Variants in OXR1 observed in about 807,000 individuals in gnomAD.
OXR1 encodes oxidation resistance protein 1.
OXR1 carries 41 observed loss-of-function variants against 104.6 expected under a neutral mutation model. That is an observed-to-expected ratio of 0.39 (90% CI 0.31 to 0.51). OXR1 has a LOEUF of 0.51. Ranked by LOEUF, OXR1 falls within the 20% of genes least tolerant of loss-of-function variation. The probability of loss-of-function intolerance (pLI) is 0.77; values close to 1 mark genes in which losing one functional copy is unlikely to be tolerated. For synonymous variants in OXR1, 348 were observed against 348.4 expected, an observed-to-expected ratio of 1.00 and a Z score of 0.01; for missense variants, 955 against 1,031.9, an observed-to-expected ratio of 0.93 and a Z score of 1.02.
At chr8:106,272,174 A>G (rs1023865508) in intron 1 of OXR1, 1 of 152,228 alleles carries the variant, frequency 6.6e-6, no homozygotes, top group Non-Finnish European at 1.5e-5. Context: ...TTGAACAGCA[A>G]AGATTTCACC....
At chr8:106,720,808 A>G in intron 11 of OXR1, 1 of 463,420 alleles carries the variant, frequency 2.2e-6, no homozygotes, top group Non-Finnish European at 2.8e-6. Flanking sequence ...TTTAAAATTT[A>G]ATATATTTGG....
intron 3 of OXR1, among the ~76,000 whole-genome samples, chr8:106,643,700 A>G (rs1332033471): frequency 2.6e-5 from 4 of 152,068 alleles, no homozygotes; most frequent in Admixed American, 2.6e-4. Flanking sequence ...AGATGGAGGG[A>G]AATGTCATGT....
intron 3 of OXR1, among the ~76,000 whole-genome samples, chr8:106,591,465 T>G (rs1355926679): frequency 6.8e-6 from 1 of 147,036 alleles, no homozygotes. Context: ...AAGAACTAAG[T>G]AGGAGGTAGG....
intron 2 of OXR1, among the ~76,000 whole-genome samples, chr8:106,362,236 T>G (rs1381995061): frequency 6.6e-6 from 1 of 152,170 alleles, no homozygotes; most frequent in Non-Finnish European, 1.5e-5. Context: ...CTGTGAACAG[T>G]GTAGTCTGCC....
At chr8:106,658,279 C>G (rs1328880065) in intron 3 of OXR1, 1 of 1,214,878 alleles carries the variant, frequency 8.2e-7, no homozygotes, top group Non-Finnish European at 1.0e-6. Flanking sequence ...GGTCGCTGCC[C>G]GGCTCTGGCA....
intron 3 of OXR1, among the ~76,000 whole-genome samples, chr8:106,591,990 CCTT>C: frequency 6.6e-6 from 1 of 152,308 alleles, no homozygotes; most frequent in East Asian, 1.9e-4. Context: ...ACATCGTTTT[CCTT>C]CTTCACGTGT....
chr8:106,471,270 C>T (rs546880199), intron 2 of OXR1, among the ~76,000 whole-genome samples: 27 of 151,570 alleles, frequency 1.8e-4, no homozygotes, highest in African/African-American at 4.8e-4. Context: ...CATAAGTAGA[C>T]GATTAATAAT....
intron 3 of OXR1, among the ~76,000 whole-genome samples, chr8:106,544,938 TC>T (rs1222129977): frequency 2.2e-4 from 34 of 152,218 alleles, no homozygotes; most frequent in Non-Finnish European, 4.7e-4. Flanking sequence ...ATATTGCCCA[TC>T]TTTTACCATT....
chr8:106,613,992 G>A (rs1195544953), intron 3 of OXR1, among the ~76,000 whole-genome samples: 1 of 152,144 alleles, frequency 6.6e-6, no homozygotes, highest in Non-Finnish European at 1.5e-5. Flanking sequence ...TTGGTGTTCT[G>A]CAGAGTGCAT....
At chr8:106,400,623 G>T (rs910825693) in intron 2 of OXR1, among the ~76,000 whole-genome samples, 1 of 152,128 alleles carries the variant, frequency 6.6e-6, no homozygotes, top group African/African-American at 2.4e-5. Flanking sequence ...AGAGTTGGCA[G>T]ATTACTTGTG....
chr8:106,507,757 G>C (rs1387199945), intron 2 of OXR1, among the ~76,000 whole-genome samples: 1 of 152,200 alleles, frequency 6.6e-6, no homozygotes, highest in African/African-American at 2.4e-5. Flanking sequence ...GATCACTTCG[G>C]AGTAAAGCCT....
At chr8:106,638,619 G>A (rs139762783) in intron 3 of OXR1, among the ~76,000 whole-genome samples, 56 of 152,254 alleles carry the variant, frequency 3.7e-4, no homozygotes, top group African/African-American at 1.3e-3. Flanking sequence ...GCAAATACCC[G>A]GCTGGGCGCG....
At chr8:106,582,431 A>G (rs1368863267) in intron 3 of OXR1, among the ~76,000 whole-genome samples, 1 of 151,950 alleles carries the variant, frequency 6.6e-6, no homozygotes, top group African/African-American at 2.4e-5. Flanking sequence ...CATATTCTCT[A>G]TGCTGGTTAG....
At chr8:106,492,461 A>C (rs80174747) in intron 2 of OXR1, among the ~76,000 whole-genome samples, 1 of 152,200 alleles carries the variant, frequency 6.6e-6, no homozygotes, top group Non-Finnish European at 1.5e-5. Context: ...TGTGTTCACT[A>C]TATCAGTTAC....
intron 3 of OXR1, among the ~76,000 whole-genome samples, chr8:106,526,574 G>C (rs528720447): frequency 6.6e-6 from 1 of 152,170 alleles, no homozygotes; most frequent in Non-Finnish European, 1.5e-5. Flanking sequence ...ACGGAGTCTC[G>C]CTCTGTCGCC....
chr8:106,320,224 C>G (rs756843962), intron 1 of OXR1, among the ~76,000 whole-genome samples: 26 of 152,306 alleles, frequency 1.7e-4, no homozygotes, highest in Non-Finnish European at 2.6e-4. Context: ...TCACAATGAT[C>G]TGTGACTCTC....
At chr8:106,653,239 T>C (rs186376522) in intron 3 of OXR1, among the ~76,000 whole-genome samples, 76 of 151,820 alleles carry the variant, frequency 5.0e-4, no homozygotes, top group African/African-American at 1.7e-3. Context: ...GTGAAAAGGA[T>C]GGCATACTTC....
chr8:106,446,313 C>G (rs958404540), intron 2 of OXR1, among the ~76,000 whole-genome samples: 2 of 152,162 alleles, frequency 1.3e-5, no homozygotes, highest in African/African-American at 4.8e-5. Flanking sequence ...CAGGGAACTT[C>G]TCCACTTAGA....
At chr8:106,694,922 T>TATATTTATATATATAAATATAAA (rs1554622757) in intron 7 of OXR1, among the ~76,000 whole-genome samples, 14 of 129,962 alleles carry the variant, frequency 1.1e-4, no homozygotes, top group African/African-American at 3.3e-4. Flanking sequence ...CATATTTATA[T>TATATTTATATATATAAATATAAA]ATATTTATAT....
Sources: gnomAD v4.1 joint callset for allele counts (sites outside exome capture counted in the v4.1 genomes callset) on GRCh38, gnomAD v4.1.1 for gene constraint, MANE v1.5 for transcripts, NCBI Gene and HGNC (gene_info 2026-07-23, HGNC 2026-07-21) for gene names.